The following COL1A2 variants were observed in gnomAD, a reference collection of about 807,000 sequenced individuals.
COL1A2 encodes the protein collagen alpha-2(I) chain.
A neutral mutation model predicts 174.3 loss-of-function variants in COL1A2; 49 were observed. The observed-to-expected ratio is 0.28, with a 90% CI of 0.22 to 0.36. The LOEUF (loss-of-function observed/expected upper bound fraction) is 0.36. Among genes scored for constraint, COL1A2 ranks in the 10% least tolerant of loss-of-function variants. The pLI, the probability that COL1A2 is intolerant of heterozygous loss-of-function variation, is 1.00. For synonymous variants in COL1A2, 655 were observed against 606.6 expected (o/e 1.08, Z -1.17); for missense variants, 1,438 against 1,822.7 (o/e 0.79, Z 3.84).
intron 29 of COL1A2, 31 bp downstream of exon 29, chr7:94,414,306 C>T: frequency 6.3e-7 from 1 of 1,592,306 alleles, no homozygotes; most frequent in Non-Finnish European, 8.6e-7. Flanking sequence ...TAAGTAGTAA[C>T]TACTAAACTT....
At position 94,427,245 on chromosome 7, in the gene COL1A2, A is replaced by C; in HGVS notation, c.3217A>C (p.Thr1073Pro). The C allele has an allele frequency of 6.2e-7, 1 of 1,613,864 alleles. No homozygotes were observed. Among genetic ancestry groups the C allele is most frequent in the Non-Finnish European group, 8.5e-7 (1 of 1,179,954 alleles). The part of the protein sequence containing the change: ...GKDGRTGHPG[T>P]VGPAGIRGPQ... ...AGATGGTCGCACTGGACATCCTGGT[A>C]CAGTTGGACCTGCTGGCATTCGAGG... Residue 1073 changes from threonine (T) to proline (P), a missense_variant, in exon 48 of 52, where the codon ACA (threonine) becomes CCA (proline). By Grantham distance (38) the Thr-to-Pro change is conservative. Coordinates refer to ENST00000297268, the MANE Select transcript of COL1A2 (RefSeq NM_000089.4).
intron 32 of COL1A2, 28 bp from the exon 33 acceptor site, chr7:94,418,471 A>G (rs1792086929): frequency 6.2e-7 from 1 of 1,612,378 alleles, no homozygotes; most frequent in South Asian, 1.1e-5. Context: ...TCAGAAAACA[A>G]AAAGTTGCTC....
At chr7:94,419,689 C>A in intron 34 of COL1A2, 138 bp downstream of exon 34, 4 of 920,676 alleles carry the variant, frequency 4.3e-6, no homozygotes, top group Non-Finnish European at 7.0e-6. Context: ...TGTGATAGAG[C>A]AGCAGGAAAC....
intron 40 of COL1A2, chr7:94,424,053 A>G (rs1792224305): frequency 2.5e-6 from 1 of 404,872 alleles, no homozygotes; most frequent in Non-Finnish European, 4.6e-6. Context: ...TAGAGGCTAT[A>G]AAAACTCTAT....
chr7:94,417,053 A>T (rs180681690), intron 31 of COL1A2, among the ~76,000 whole-genome samples: 45 of 152,340 alleles, frequency 3.0e-4, no homozygotes, highest in Middle Eastern at 3.4e-3. Context: ...CAATAAAAAG[A>T]AGACAACACA....
In COL1A2 at chr7:94,416,464, C is replaced by A; in HGVS notation, c.1824C>A (p.Ser608Arg). ...GAAGPTGPIGSRGPSGPPGPD... is the reference protein window; with the variant it reads ...GAAGPTGPIGRRGPSGPPGPD... ...CCGGTCCTACTGGTCCTATTGGAAG[C>A]CGAGGTCCTTCTGGACCCCCAGGGC... The change falls in exon 31 of 52, where the codon AGC becomes AGA. Residue 608 changes from serine (S) to arginine (R), a missense_variant. By Grantham distance (110) the Ser-to-Arg change is moderately radical. Around this residue, in one of 3 missense-constraint regions of COL1A2, gnomAD observed 867 missense variants for 1,213.7 expected, o/e 0.71. Transcript: ENST00000297268. 1 of 1,585,638 alleles carries A rather than the reference C, an allele frequency of 6.3e-7. No homozygotes were observed. The highest frequency in any genetic ancestry group is 8.6e-7 in the Non-Finnish European group (1 of 1,165,176).
In COL1A2 at chr7:94,430,300, A is replaced by G; in HGVS notation, c.4008A>G (p.Pro1336=). 3.1e-6 allele frequency: 5 copies of G among 1,614,116 alleles called. No individual in the cohort carries two copies. The highest frequency in any genetic ancestry group is 4.2e-6 in the Non-Finnish European group (5 of 1,179,962). ...TCATTGAATACAAAACAAATAAGCC[A>G]TCACGCCTGCCCTTCCTTGATATTG... The part of the protein sequence containing the change: ...KTIIEYKTNK[P]SRLPFLDIAP... Residue 1336 remains proline (P), a synonymous_variant, in exon 52 of 52, where the codon CCA becomes CCG. Transcript: ENST00000297268.
chr7:94,426,702 G>A, intron 46 of COL1A2, 172 bp downstream of exon 46: 1 of 692,974 alleles, frequency 1.4e-6, no homozygotes. Context: ...ATACCAACAT[G>A]AAAGGTGAGG....
rs368044698 is a variant in COL1A2 at position 94,404,586 on chromosome 7, G to A, written c.310G>A (p.Ala104Thr). ...AATGGGACCTAGAGGCCCACCTGGT[G>A]CAGCTGGAGCCCCAGTAAGTACTGA... ...GLMGPRGPPG[A>T]AGAPGPQGFQ... The change falls in exon 7 of 52, where the codon GCA (alanine) becomes ACA (threonine). Residue 104 changes from alanine (A) to threonine (T), a missense_variant. By Grantham distance (58) the Ala-to-Thr change is moderately conservative. Around this residue, in one of 3 missense-constraint regions of COL1A2, gnomAD observed 281 missense variants for 310.9 expected, o/e 0.90. Coordinates refer to ENST00000297268, the MANE Select transcript of COL1A2 (RefSeq NM_000089.4). 1.1e-5 allele frequency: 18 copies of A among 1,613,732 alleles called. No individual in the cohort carries two copies. The highest frequency in any genetic ancestry group is 1.4e-5 in the Non-Finnish European group (17 of 1,180,004).
At chr7:94,424,908 TCC>T (rs1237233961) in intron 41 of COL1A2, 2 of 597,340 alleles carry the variant, frequency 3.3e-6, no homozygotes, top group Non-Finnish European at 6.0e-6. Flanking sequence ...CAGAGCAACA[TCC>T]CGTGATTACA....
Position 94,419,318 on chromosome 7 carries a change from G to A in COL1A2, c.2026-180G>A, listed in dbSNP as rs959799092. 11 of 627,124 alleles carry A rather than the reference G, an allele frequency of 1.8e-5. No individual in the cohort carries two copies. In the African/African-American group the frequency reaches 2.1e-4, roughly 12 times the overall value. The allele number at this position is 627,124 out of a possible 1,614,324, so 38.8% of individuals were successfully genotyped here. A position where few individuals can be genotyped will look rare whatever the true frequency, so the allele number is the denominator to read the frequency against. On this transcript the variant is annotated intron_variant, in intron 33 of 51. Transcript: ENST00000297268. Reference sequence around the variant, plus strand: ...TATTACTGGAGTACCCTCCTTCTGAGAGTGGCTTCTAATAGTCTTGTTAAT... The same window carrying A: ...TATTACTGGAGTACCCTCCTTCTGAAAGTGGCTTCTAATAGTCTTGTTAAT...
chr7:94,426,197 T>C, intron 45 of COL1A2, 146 bp downstream of exon 45: 1 of 879,202 alleles, frequency 1.1e-6, no homozygotes, highest in Non-Finnish European at 1.8e-6. Flanking sequence ...TACAAATAAC[T>C]TGAGCTATTT....
At position 94,430,337 on chromosome 7, in the gene COL1A2, A is replaced by T. The variant is rs1302096937; in HGVS notation, c.4045A>T (p.Ile1349Phe). The change falls in exon 52 of 52, where the codon ATC becomes TTC. Residue 1349 changes from isoleucine (I) to phenylalanine (F), a missense_variant. Physicochemically the swap from Ile to Phe is conservative, Grantham distance 21 (BLOSUM62 0). Coordinates refer to ENST00000297268, the MANE Select transcript of COL1A2 (RefSeq NM_000089.4). ...CTTCCTTGATATTGCACCTTTGGAC[A>T]TCGGTGGTGCTGACCAGGAATTCTT... Reference protein sequence around the residue: ...LPFLDIAPLDIGGADQEFFVD... With the variant: ...LPFLDIAPLDFGGADQEFFVD... 1 of 1,613,976 alleles carries T rather than the reference A, an allele frequency of 6.2e-7. No individual in the cohort carries two copies. The highest frequency in any genetic ancestry group is 1.3e-5 in the African/African-American group (1 of 74,950).
Position 94,408,392 on chromosome 7 carries a change from C to T in COL1A2, c.738+12C>T, listed in dbSNP as rs1454364598. On this transcript the variant is annotated intron_variant, in intron 15 of 51. Coordinates refer to ENST00000297268, the MANE Select transcript of COL1A2 (RefSeq NM_000089.4). ...CCGTGGGTCCTGCTGTAAGTTTTGACACTGGGGAGTTTGAAAGGAGTTGAG... is the reference window on the plus strand; with the variant it reads ...CCGTGGGTCCTGCTGTAAGTTTTGATACTGGGGAGTTTGAAAGGAGTTGAG... The T allele has an allele frequency of 3.7e-6, 6 of 1,613,878 alleles. No individual in the cohort carries two copies. The highest frequency in any genetic ancestry group is 4.2e-6 in the Non-Finnish European group (5 of 1,179,948).
chr7:94,402,597 G>T (rs1044674777), intron 6 of COL1A2, among the ~76,000 whole-genome samples: 10 of 152,114 alleles, frequency 6.6e-5, no homozygotes, highest in African/African-American at 2.4e-4. Flanking sequence ...ATGCTAATAC[G>T]AGCATGCAAA....
At position 94,423,053 on chromosome 7, in the gene COL1A2, G is replaced by A. The variant is rs150993338; in HGVS notation, c.2500G>A (p.Val834Ile). The A allele has an allele frequency of 1.4e-5, 22 of 1,614,060 alleles. 1 individual carries two copies. The African/African-American group carries it at 2.0e-4, about 15-fold the overall frequency. The change falls in exon 40 of 52, where the codon GTA becomes ATA. Residue 834 changes from valine to isoleucine, a missense_variant. Coordinates refer to ENST00000297268, the MANE Select transcript of COL1A2 (RefSeq NM_000089.4). ...DQGPVGRTGE[V>I]GAVGPPGFAG... The stretch of plus-strand genomic sequence containing the variant: ...AGGTCCAGTTGGCCGAACTGGAGAA[G>A]TAGGTGCAGTTGGTCCCCCTGGCTT...
intron 12 of COL1A2, among the ~76,000 whole-genome samples, chr7:94,407,165 T>C (rs1584317462): frequency 2.6e-5 from 4 of 152,220 alleles, no homozygotes; most frequent in Admixed American, 2.6e-4. Flanking sequence ...GGTTAGAAAG[T>C]CATAGGCTAG....
At chr7:94,412,301 C>T (rs1791944525) in intron 24 of COL1A2, among the ~76,000 whole-genome samples, 180 bp downstream of exon 24, 1 of 151,498 alleles carries the variant, frequency 6.6e-6, no homozygotes, top group Non-Finnish European at 1.5e-5. Context: ...GGACTGAAAG[C>T]AGAGCAGGGG....
intron 31 of COL1A2, 138 bp from the exon 32 acceptor site, chr7:94,417,586 A>G (rs1792068565): frequency 1.4e-6 from 1 of 732,512 alleles, no homozygotes; most frequent in South Asian, 1.5e-5. Context: ...CCTCCTTTCA[A>G]TAGCCCAGCC....
Sources: gnomAD v4.1 joint callset for allele counts (sites outside exome capture counted in the v4.1 genomes callset) on GRCh38, gnomAD v4.1.1 for gene constraint, gnomAD v4.1.1 regional missense constraint, MANE v1.5 for transcripts, NCBI Gene and HGNC (gene_info 2026-07-23, HGNC 2026-07-21) for gene names.